The following IL1RAPL2 variants were observed in gnomAD, a reference collection of about 807,000 sequenced individuals.
The protein encoded by IL1RAPL2 is X-linked interleukin-1 receptor accessory protein-like 2.
IL1RAPL2 carries 3 observed loss-of-function variants against 44.1 expected under a neutral mutation model. The observed-to-expected ratio is 0.07, with a 90% CI of 0.03 to 0.18. The LOEUF (loss-of-function observed/expected upper bound fraction) is 0.18, where lower values mean the gene tolerates loss of function less well. Among genes scored for constraint, IL1RAPL2 ranks in the 10% least tolerant of loss-of-function variants. The pLI, the probability that IL1RAPL2 is intolerant of heterozygous loss-of-function variation, is 1.00. For synonymous variants in IL1RAPL2, 181 were observed against 178.8 expected (o/e 1.01, Z -0.10); for missense variants, 391 against 496.4 (o/e 0.79, Z 2.02).
intron 2 of IL1RAPL2, among the ~76,000 whole-genome samples, chrX:105,167,979 A>G (rs2033385839): frequency 8.9e-6 from 1 of 111,771 alleles, no homozygotes; most frequent in Non-Finnish European, 1.9e-5. Flanking sequence ...AAAGTCGTAC[A>G]GCCAAGTCAA....
chrX:104,900,854 T>C (rs748204268), intron 2 of IL1RAPL2, among the ~76,000 whole-genome samples: 1 of 111,856 alleles, frequency 8.9e-6, no homozygotes, highest in East Asian at 2.8e-4. Flanking sequence ...CAAAGACCTA[T>C]GGCAAAGGTC....
intron 2 of IL1RAPL2, among the ~76,000 whole-genome samples, chrX:104,885,845 G>C (rs180758524): frequency 8.8e-6 from 1 of 113,016 alleles, no homozygotes; most frequent in East Asian, 2.8e-4. Flanking sequence ...TCTCATCCAT[G>C]TCTGCTATGC....
chrX:105,269,850 A>C (rs1221235510), intron 5 of IL1RAPL2, among the ~76,000 whole-genome samples: 1 of 112,246 alleles, frequency 8.9e-6, no homozygotes, highest in Non-Finnish European at 1.9e-5. Flanking sequence ...AGAATAAAGT[A>C]AATACGAAAC....
At chrX:105,147,804 T>G (rs186250251) in intron 2 of IL1RAPL2, among the ~76,000 whole-genome samples, 15 of 111,969 alleles carry the variant, frequency 1.3e-4, no homozygotes, top group African/African-American at 4.9e-4. Context: ...TTATGAATAT[T>G]CATGTACAAG....
intron 5 of IL1RAPL2, among the ~76,000 whole-genome samples, chrX:105,370,667 G>A (rs1445639753): frequency 8.9e-6 from 1 of 111,947 alleles, no homozygotes; most frequent in African/African-American, 3.2e-5. Flanking sequence ...TTGCTCTTGT[G>A]AACAGTGCTG....
chrX:105,489,670 C>G (rs1485216243), intron 6 of IL1RAPL2, among the ~76,000 whole-genome samples: 1 of 109,265 alleles, frequency 9.2e-6, no homozygotes, highest in Non-Finnish European at 1.9e-5. Context: ...TTCTTTCTTT[C>G]TTTCTCTTTC....
At chrX:105,011,772 G>A in intron 2 of IL1RAPL2, among the ~76,000 whole-genome samples, 1 of 110,728 alleles carries the variant, frequency 9.0e-6, no homozygotes, top group Middle Eastern at 4.7e-3. Flanking sequence ...GAACATTTGT[G>A]TGCTAGTCCT....
At chrX:105,117,199 T>A (rs897924745) in intron 2 of IL1RAPL2, among the ~76,000 whole-genome samples, 1 of 112,115 alleles carries the variant, frequency 8.9e-6, no homozygotes, top group Non-Finnish European at 1.9e-5. Context: ...GATGAGAAGA[T>A]TTATTGTCTG....
chrX:105,518,674 C>T (rs1357234670), intron 6 of IL1RAPL2, among the ~76,000 whole-genome samples: 1 of 111,895 alleles, frequency 8.9e-6, no homozygotes, highest in Non-Finnish European at 1.9e-5. Flanking sequence ...TTTCTCACCA[C>T]TACTTGTAGA....
chrX:105,672,487 G>A (rs1359422617), intron 6 of IL1RAPL2, among the ~76,000 whole-genome samples: 1 of 112,305 alleles, frequency 8.9e-6, no homozygotes, highest in Non-Finnish European at 1.9e-5. Flanking sequence ...CTTGGCAATT[G>A]TGAAAGGCCT....
chrX:105,009,656 G>A (rs763640899), intron 2 of IL1RAPL2, among the ~76,000 whole-genome samples: 1 of 107,184 alleles, frequency 9.3e-6, no homozygotes, highest in African/African-American at 3.4e-5. Flanking sequence ...GCTAAATGAC[G>A]AGTTAATGGG....
At chrX:104,844,952 G>T (rs1390576282) in intron 2 of IL1RAPL2, among the ~76,000 whole-genome samples, 1 of 112,003 alleles carries the variant, frequency 8.9e-6, no homozygotes, top group Non-Finnish European at 1.9e-5. Flanking sequence ...AAAATAGGAA[G>T]TTGAATTAGA....
chrX:104,932,053 G>A (rs1343198067), intron 2 of IL1RAPL2, among the ~76,000 whole-genome samples: 2 of 103,465 alleles, frequency 1.9e-5, no homozygotes, highest in East Asian at 6.1e-4. Flanking sequence ...GTGCAATGGC[G>A]TGATCTCGGC....
intron 2 of IL1RAPL2, among the ~76,000 whole-genome samples, chrX:105,194,125 CT>C (rs1334577174): frequency 1.8e-5 from 2 of 112,210 alleles, no homozygotes; most frequent in African/African-American, 3.2e-5. Flanking sequence ...CATCTTCCCC[CT>C]GGGTGTCCTT....
At chrX:105,074,512 T>G (rs1168263257) in intron 2 of IL1RAPL2, among the ~76,000 whole-genome samples, 1 of 110,976 alleles carries the variant, frequency 9.0e-6, no homozygotes, top group Non-Finnish European at 1.9e-5. Context: ...TAGGATTGAC[T>G]TGGCAATGCT....
intron 2 of IL1RAPL2, among the ~76,000 whole-genome samples, chrX:104,734,656 G>A (rs973561150): frequency 1.8e-5 from 2 of 111,549 alleles, no homozygotes; most frequent in African/African-American, 6.5e-5. Context: ...GACTACAAAG[G>A]GATGGCATGA....
At chrX:105,324,373 C>G (rs2034919455) in intron 5 of IL1RAPL2, among the ~76,000 whole-genome samples, 1 of 111,423 alleles carries the variant, frequency 9.0e-6, no homozygotes, top group Non-Finnish European at 1.9e-5. Context: ...ATTCCCTTAA[C>G]CTATTGACTC....
At chrX:104,768,854 A>G (rs1932598156) in intron 2 of IL1RAPL2, among the ~76,000 whole-genome samples, 1 of 110,755 alleles carries the variant, frequency 9.0e-6, no homozygotes, top group South Asian at 3.8e-4. Flanking sequence ...CTCTTTATTC[A>G]TTGTTACCTG....
intron 6 of IL1RAPL2, among the ~76,000 whole-genome samples, chrX:105,671,387 A>G (rs1351161390): frequency 8.9e-6 from 1 of 112,300 alleles, no homozygotes; most frequent in Non-Finnish European, 1.9e-5. Context: ...ATTTTTTTAT[A>G]GATTCCCTAG....
Sources: allele counts gnomAD v4.1 joint callset (sites outside exome capture counted in the v4.1 genomes callset), GRCh38; gene constraint gnomAD v4.1.1; transcripts MANE v1.5; gene names NCBI Gene and HGNC (gene_info 2026-07-23, HGNC 2026-07-21).